Variants in MAML3 observed in about 807,000 individuals in gnomAD.
MAML3 encodes the protein mastermind like transcriptional coactivator 3, also known as mastermind-like protein 3.
MAML3 carries 27 observed loss-of-function variants against 101.9 expected under a neutral mutation model. The observed-to-expected ratio is 0.27, with a 90% CI of 0.20 to 0.37. MAML3 has a LOEUF of 0.37. MAML3 is among the 10% of genes least tolerant of loss of function. MAML3 has a pLI of 1.00. For synonymous variants in MAML3, 501 were observed against 555.9 expected (o/e 0.90, Z 1.39); for missense variants, 1,316 against 1,444.9 (o/e 0.91, Z 1.45).
intron 1 of MAML3, among the ~76,000 whole-genome samples, chr4:139,930,430 C>T (rs952091415): frequency 2.6e-5 from 4 of 152,168 alleles, no homozygotes; most frequent in African/African-American, 9.7e-5. Flanking sequence ...ACGGTCCCAG[C>T]CATCAGGGAA....
intron 1 of MAML3, among the ~76,000 whole-genome samples, chr4:140,125,322 A>G (rs1728667043): frequency 6.6e-6 from 1 of 152,188 alleles, no homozygotes; most frequent in Non-Finnish European, 1.5e-5. Flanking sequence ...AGTCCCAGCT[A>G]CTTGGGAGGC....
intron 1 of MAML3, among the ~76,000 whole-genome samples, chr4:139,937,736 T>C (rs1048881324): frequency 6.6e-6 from 1 of 152,128 alleles, no homozygotes; most frequent in African/African-American, 2.4e-5. Flanking sequence ...ATGCAGAAAC[T>C]CCACTTTTGG....
intron 1 of MAML3, among the ~76,000 whole-genome samples, chr4:139,928,554 G>A (rs1394797840): frequency 6.6e-6 from 1 of 152,214 alleles, no homozygotes; most frequent in Non-Finnish European, 1.5e-5. Flanking sequence ...TAAGGATGGG[G>A]AGGATATGGA....
At chr4:139,994,878 C>T (rs1716614282) in intron 1 of MAML3, among the ~76,000 whole-genome samples, 1 of 151,594 alleles carries the variant, frequency 6.6e-6, no homozygotes, top group Non-Finnish European at 1.5e-5. Context: ...ATTTTTGATT[C>T]CTTTATTTTT....
At chr4:139,886,131 A>T (rs1578647220) in intron 2 of MAML3, among the ~76,000 whole-genome samples, 2 of 152,100 alleles carry the variant, frequency 1.3e-5, no homozygotes, top group African/African-American at 2.4e-5. Context: ...TAAAGGGATT[A>T]GGAGACAGAA....
intron 1 of MAML3, among the ~76,000 whole-genome samples, chr4:139,930,357 TG>T (rs1733360328): frequency 6.6e-6 from 1 of 152,070 alleles, no homozygotes; most frequent in Non-Finnish European, 1.5e-5. Context: ...AAGGTGCGGA[TG>T]AAGACCGTTC....
chr4:140,095,497 C>A (rs918481918), intron 1 of MAML3, among the ~76,000 whole-genome samples: 1 of 152,148 alleles, frequency 6.6e-6, no homozygotes, highest in Non-Finnish European at 1.5e-5. Context: ...CCTCTGCAAG[C>A]TTTCTAAATT....
At chr4:139,860,033 G>T (rs2604922) in intron 2 of MAML3, among the ~76,000 whole-genome samples, 1 of 151,682 alleles carries the variant, frequency 6.6e-6, no homozygotes, top group African/African-American at 2.4e-5. Context: ...GGGCAGGCGC[G>T]GGCCTCAGCG....
At chr4:140,083,763 T>C (rs1372587895) in intron 1 of MAML3, among the ~76,000 whole-genome samples, 3 of 152,082 alleles carry the variant, frequency 2.0e-5, no homozygotes, top group Non-Finnish European at 2.9e-5. Context: ...TATTTTATTT[T>C]GTTTTAGATC....
chr4:139,894,511 A>AAAAGAGAG (rs1553962891), intron 1 of MAML3, among the ~76,000 whole-genome samples: 1 of 136,388 alleles, frequency 7.3e-6, no homozygotes, highest in African/African-American at 2.8e-5. Context: ...TCCATCTTAA[A>AAAAGAGAG]AAAGAAAGAA....
intron 2 of MAML3, among the ~76,000 whole-genome samples, chr4:139,795,277 C>G (rs1016462341): frequency 6.6e-6 from 1 of 152,146 alleles, no homozygotes; most frequent in Admixed American, 6.5e-5. Context: ...GGAACACAAG[C>G]AAGTAACTTT....
chr4:139,982,124 C>A (rs1734455228), intron 1 of MAML3, among the ~76,000 whole-genome samples: 1 of 152,216 alleles, frequency 6.6e-6, no homozygotes, highest in Non-Finnish European at 1.5e-5. Context: ...TGAAATTCTT[C>A]TGTGTGATAG....
chr4:139,935,121 C>G (rs144271769), intron 1 of MAML3, among the ~76,000 whole-genome samples: 1 of 151,936 alleles, frequency 6.6e-6, no homozygotes, highest in Non-Finnish European at 1.5e-5. Flanking sequence ...CCTATCACCC[C>G]CCTTCCTCAG....
chr4:139,896,227 T>C (rs531686316), intron 1 of MAML3, among the ~76,000 whole-genome samples: 100 of 152,168 alleles, frequency 6.6e-4, no homozygotes, highest in African/African-American at 2.3e-3. Flanking sequence ...CACAGGGAAA[T>C]GTCCCTGTGA....
rs562248735 is a variant in MAML3, at chr4:139,821,714, C to G, written c.2079+67643G>C. 3.3e-5 allele frequency among the ~76,000 whole-genome samples: 5 copies of G among 152,348 alleles called. No homozygotes were observed. The South Asian group carries it at 1.0e-3, about 32-fold the overall frequency. On this transcript the variant is annotated intron_variant, in intron 2 of 4. Transcript: ENST00000509479. ...CACTGGCCACTTCCAAGTTCAAAAT[C>G]TGACTGTGGCATGGTAGCTGAGTAA...
chr4:139,931,968 G>A (rs574343221), intron 1 of MAML3, among the ~76,000 whole-genome samples: 5 of 152,046 alleles, frequency 3.3e-5, no homozygotes, highest in South Asian at 2.1e-4. Flanking sequence ...GCAGTGAGCC[G>A]AGATGGTGCC....
At chr4:140,072,410 C>T (rs1488537459) in intron 1 of MAML3, among the ~76,000 whole-genome samples, 28 of 152,294 alleles carry the variant, frequency 1.8e-4, no homozygotes, top group Non-Finnish European at 2.9e-5. Context: ...GTGGCTCATG[C>T]CTGTAATCCC....
At chr4:139,876,309 G>T (rs558516582) in intron 2 of MAML3, among the ~76,000 whole-genome samples, 1 of 152,318 alleles carries the variant, frequency 6.6e-6, no homozygotes, top group South Asian at 2.1e-4. Context: ...TGCACTGGTG[G>T]CTTGCATTCT....
chr4:140,026,096 A>T (rs1447790465), intron 1 of MAML3, among the ~76,000 whole-genome samples: 1 of 152,154 alleles, frequency 6.6e-6, no homozygotes. Context: ...TCCCTTAATG[A>T]TTAGGAACCT....
Sources: gnomAD v4.1 joint callset for allele counts (sites outside exome capture counted in the v4.1 genomes callset) on GRCh38, gnomAD v4.1.1 for gene constraint, MANE v1.5 for transcripts, NCBI Gene and HGNC (gene_info 2026-07-23, HGNC 2026-07-21) for gene names.